EREG: variants seen among roughly 807,000 people sequenced by gnomAD.
EREG encodes the protein proepiregulin.
Under a neutral mutation model 22.4 loss-of-function variants are expected in EREG, and 23 were observed. The ratio of observed to expected loss-of-function variants is 1.03; its 90% CI spans 0.74 to 1.46. EREG has a LOEUF of 1.46. Among genes scored for constraint, EREG ranks in the 40% most tolerant of loss-of-function variants. The probability of loss-of-function intolerance (pLI) is 0.00; values close to 1 mark genes in which losing one functional copy is unlikely to be tolerated. For synonymous variants in EREG, 100 were observed against 75.4 expected (o/e 1.33, Z -1.69); for missense variants, 226 against 205.9 (o/e 1.10, Z -0.60).
chr4:74,368,155 G>A (rs1752222689), intron 1 of EREG, among the ~76,000 whole-genome samples: 1 of 152,106 alleles, frequency 6.6e-6, no homozygotes, highest in South Asian at 2.1e-4. Flanking sequence ...AGAGTAGCTG[G>A]GGCTGCTCCA....
In EREG at chr4:74,365,382, T is replaced by G; in HGVS notation, c.67+7T>G. ...GCGCTGCTGCTCTGCCTGGGTAAGT[T>G]CTCCCCCTCTGGCTTCCGGCCGCCC... On this transcript the variant is annotated splice_region_variant and intron_variant, in intron 1 of 4. Coordinates refer to ENST00000244869, the MANE Select transcript of EREG (RefSeq NM_001432.3). 4 of 1,611,780 alleles carry G rather than the reference T, an allele frequency of 2.5e-6. No homozygotes were observed. Among genetic ancestry groups the G allele is most frequent in the Non-Finnish European group, 3.4e-6 (4 of 1,179,772 alleles).
chr4:74,384,937 A>C lies in EREG; in HGVS notation c.*129A>C. On this transcript the variant is annotated 3_prime_UTR_variant, in exon 5 of 5. Transcript: ENST00000244869. ...AACACTGTATTTTAATGTACTTGAAAAATGTTTTTATTTTTGTTTTATTTT... is the reference window on the plus strand; with the variant it reads ...AACACTGTATTTTAATGTACTTGAACAATGTTTTTATTTTTGTTTTATTTT... 2.1e-6 allele frequency: 1 copy of C among 486,760 alleles called. No homozygotes were observed. The highest frequency in any genetic ancestry group is 3.7e-6 in the Non-Finnish European group (1 of 271,836). 30.2% of individuals were successfully genotyped at this position (486,760 alleles called of 1,614,324 possible). A position where few individuals can be genotyped will look rare whatever the true frequency, so the allele number is the denominator to read the frequency against.
intron 1 of EREG, among the ~76,000 whole-genome samples, chr4:74,367,087 C>A (rs1018249798): frequency 1.3e-5 from 2 of 152,116 alleles, no homozygotes; most frequent in African/African-American, 4.8e-5. Flanking sequence ...CAAAAAAGAG[C>A]GAGACATTTA....
chr4:74,382,903 C>A (rs1392078561), intron 4 of EREG, 109 bp downstream of exon 4: 7 of 788,922 alleles, frequency 8.9e-6, no homozygotes, highest in Non-Finnish European at 1.4e-5. Context: ...AAGATCAAAC[C>A]TGTACAAATG....
chr4:74,373,534 C>T (rs1752328532), intron 1 of EREG, among the ~76,000 whole-genome samples: 1 of 150,578 alleles, frequency 6.6e-6, no homozygotes, highest in Admixed American at 6.6e-5. Context: ...ACAAAGCTAA[C>T]ATTAAAAATA....
In EREG at chr4:74,386,664, TTAAA is replaced by T. The variant is rs1236944123; in HGVS notation, c.*1859_*1862del. 1 of 152,228 alleles carries T rather than the reference TTAAA, an allele frequency of 6.6e-6. No individual in the cohort carries two copies. The highest frequency in any genetic ancestry group is 1.5e-5 in the Non-Finnish European group (1 of 68,036). 9.4% of individuals were successfully genotyped at this position (152,228 alleles called of 1,614,324 possible). ...AAGTCAAAATATGTAAGAACACATT[TTAAA>T]TACTCTACTTACAGTTGGCCCTCTG... On this transcript the variant is annotated 3_prime_UTR_variant, in exon 5 of 5. Coordinates refer to ENST00000244869, the MANE Select transcript of EREG (RefSeq NM_001432.3).
chr4:74,381,661 T>G (rs981477661), intron 3 of EREG: 1 of 152,020 alleles, frequency 6.6e-6, no homozygotes, highest in Non-Finnish European at 1.5e-5. Flanking sequence ...TCCTTCAATT[T>G]CTATATCAGG....
At chr4:74,382,596 A>G in intron 3 of EREG, 49 bp from the exon 4 acceptor site, 1 of 1,476,758 alleles carries the variant, frequency 6.8e-7, no homozygotes, top group South Asian at 1.3e-5. Context: ...CATAACCATG[A>G]TTTCCTTTTT....
At chr4:74,379,588 A>G in intron 2 of EREG, 54 bp downstream of exon 2, 1 of 1,032,854 alleles carries the variant, frequency 9.7e-7, no homozygotes, top group Non-Finnish European at 1.5e-6. Context: ...TTTAAACAGA[A>G]ATATAAACTC....
chr4:74,370,910 T>C (rs1447175157), intron 1 of EREG, among the ~76,000 whole-genome samples: 2 of 152,200 alleles, frequency 1.3e-5, no homozygotes, highest in African/African-American at 4.8e-5. Flanking sequence ...CCATTTCTCA[T>C]GAGTCTAATG....
chr4:74,373,034 C>A (rs1752319307), intron 1 of EREG, among the ~76,000 whole-genome samples: 1 of 128,096 alleles, frequency 7.8e-6, no homozygotes, highest in African/African-American at 3.0e-5. Flanking sequence ...CCAGGATGGT[C>A]TCGATCTCTT....
In EREG at chr4:74,385,856, G is replaced by A. The variant is rs551098163; in HGVS notation, c.*1048G>A. 1 of 396,620 alleles carries A rather than the reference G, an allele frequency of 2.5e-6. No homozygotes were observed. The highest frequency in any genetic ancestry group is 3.6e-5 in the East Asian group (1 of 27,896). 24.6% of individuals were successfully genotyped at this position (396,620 alleles called of 1,614,324 possible). A position where few individuals can be genotyped will look rare whatever the true frequency, so the allele number is the denominator to read the frequency against. On this transcript the variant is annotated 3_prime_UTR_variant, in exon 5 of 5. Coordinates refer to ENST00000244869, the MANE Select transcript of EREG (RefSeq NM_001432.3). ...TAACTTTAATACAGCTCAGTAAATG[G>A]CTTCTTCTAGAATGTAAAGTTATGT...
At chr4:74,373,614 A>G in intron 1 of EREG, among the ~76,000 whole-genome samples, 1 of 148,014 alleles carries the variant, frequency 6.8e-6, no homozygotes, top group Non-Finnish European at 1.5e-5. Flanking sequence ...ATGTGTGTAT[A>G]TATGTGAGTG....
chr4:74,382,862 G>A, intron 4 of EREG, 68 bp downstream of exon 4: 10 of 1,177,448 alleles, frequency 8.5e-6, no homozygotes, highest in South Asian at 1.5e-5. Context: ...CTATAAACTG[G>A]GTAAAAATAT....
chr4:74,372,093 C>T (rs1477365460), intron 1 of EREG, among the ~76,000 whole-genome samples: 1 of 152,140 alleles, frequency 6.6e-6, no homozygotes, highest in Non-Finnish European at 1.5e-5. Context: ...GGGTAAGCTG[C>T]CCTCCTTTTT....
chr4:74,384,598 A>G (rs1752537792), intron 4 of EREG, 129 bp from the exon 5 acceptor site: 3 of 470,412 alleles, frequency 6.4e-6, no homozygotes, highest in African/African-American at 2.0e-5. Context: ...AACATTGTCC[A>G]ACCTAAATCT....
intron 1 of EREG, among the ~76,000 whole-genome samples, chr4:74,378,096 G>A (rs57839099): frequency 0.075 from 11,443 of 152,176 alleles, 753 homozygotes; most frequent in African/African-American, 0.17. Context: ...CACTTACTTA[G>A]CTACTTCAAC....
intron 4 of EREG, 143 bp downstream of exon 4, chr4:74,382,937 A>G (rs772327791): frequency 5.7e-5 from 35 of 608,954 alleles, no homozygotes; most frequent in Middle Eastern, 9.1e-4. Context: ...TTGAGAAACT[A>G]TTAAGTATTA....
Position 74,385,963 on chromosome 4 carries a change from A to G in EREG, c.*1155A>G, listed in dbSNP as rs1013370488. ...GTATTTTTCCAAATGAAAAATCTCA[A>G]TTGAAAGCTTTTAAAATGTAGAAAC... On this transcript the variant is annotated 3_prime_UTR_variant, in exon 5 of 5. Transcript: ENST00000244869. 2 of 387,850 alleles carry G rather than the reference A, an allele frequency of 5.2e-6. No individual in the cohort carries two copies. Among genetic ancestry groups the G allele is most frequent in the East Asian group, 7.3e-5 (2 of 27,584 alleles). The allele number at this position is 387,850 out of a possible 1,614,324, so 24.0% of individuals were successfully genotyped here. A position where few individuals can be genotyped will look rare whatever the true frequency, so the allele number is the denominator to read the frequency against.
Sources: gnomAD v4.1 joint callset for allele counts (sites outside exome capture counted in the v4.1 genomes callset) on GRCh38, gnomAD v4.1.1 for gene constraint, MANE v1.5 for transcripts, NCBI Gene and HGNC (gene_info 2026-07-23, HGNC 2026-07-21) for gene names.